The following C10orf143 variants were observed in gnomAD, a reference collection of about 807,000 sequenced individuals.
The protein encoded by C10orf143 is uncharacterized protein C10orf143.
downstream of C10orf143, among the ~76,000 whole-genome samples, chr10:130,062,990 T>C (rs1244589404): frequency 6.6e-6 from 1 of 152,082 alleles, no homozygotes; most frequent in Non-Finnish European, 1.5e-5. Context: ...ACCACACAGA[T>C]GGGAACCAGA....
rs1368289305 is a variant in C10orf143, at chr10:130,056,677, C to T, written c.298-20707G>A. Reference sequence around the variant, plus strand: ...CGCTCTCTTGGCTCACTGCAAGCTCCGCCTCCTGGGTTCATGCCATTCTCC... The same window carrying T: ...CGCTCTCTTGGCTCACTGCAAGCTCTGCCTCCTGGGTTCATGCCATTCTCC... On this transcript the variant is annotated intron_variant and NMD_transcript_variant, in intron 3 of 5. Coordinates refer to the C10orf143 transcript ENST00000643056. The surrounding 1 kb of genome is among the most constrained non-coding windows in gnomAD (Gnocchi z 4.6). Among the ~76,000 whole-genome samples, 5 of 151,710 alleles carry T rather than the reference C, an allele frequency of 3.3e-5. No homozygotes were observed. The highest frequency in any genetic ancestry group is 1.2e-4 in the African/African-American group (5 of 41,268).
intron 3 of C10orf143, chr10:130,067,265 A>C (rs1860952845): frequency 1.3e-5 from 2 of 148,814 alleles, no homozygotes; most frequent in South Asian, 2.2e-4. Context: ...GCTCTCCATG[A>C]CCTCTCTGTG....
chr10:130,090,142 A>G (rs973656759), intron 1 of C10orf143, among the ~76,000 whole-genome samples: 2 of 152,218 alleles, frequency 1.3e-5, no homozygotes, highest in Non-Finnish European at 2.9e-5. Context: ...AAATAGGAAC[A>G]GCTCCAGTCT....
chr10:130,089,536 C>A (rs1861347725), intron 1 of C10orf143, among the ~76,000 whole-genome samples: 8 of 152,118 alleles, frequency 5.3e-5, no homozygotes, highest in Admixed American at 5.2e-4. Flanking sequence ...TGAGCTGGGT[C>A]AGCTGGGTCT....
intron 3 of C10orf143, among the ~76,000 whole-genome samples, chr10:130,076,877 C>G (rs966793820): frequency 2.0e-5 from 3 of 152,084 alleles, no homozygotes; most frequent in Non-Finnish European, 4.4e-5. Flanking sequence ...CTAGCCATGG[C>G]GATCATCCTC....
At chr10:130,087,140 T>C (rs1321417941) in intron 1 of C10orf143, among the ~76,000 whole-genome samples, 4 of 151,258 alleles carry the variant, frequency 2.6e-5, no homozygotes, top group Non-Finnish European at 4.4e-5. Flanking sequence ...CTGTGGATTA[T>C]TGAGAGCTGA....
intron 1 of C10orf143, among the ~76,000 whole-genome samples, chr10:130,090,914 C>A (rs1330823673): frequency 6.6e-6 from 1 of 152,208 alleles, no homozygotes; most frequent in East Asian, 1.9e-4. Context: ...GGCAGCAGCG[C>A]CAGTCAGGGG....
In C10orf143 at chr10:130,048,573, C is replaced by T. The variant is rs560734767; in HGVS notation, c.298-12603G>A. On this transcript the variant is annotated intron_variant and NMD_transcript_variant, in intron 3 of 5. Coordinates refer to the C10orf143 transcript ENST00000643056. ...TCCATGGGAGCCCAAAGAATTGAGA[C>T]GTGCAGGGACCTCGGTCACTTTTAG... Among the ~76,000 whole-genome samples, 21 of 152,292 alleles carry T rather than the reference C, an allele frequency of 1.4e-4. 1 individual carries two copies. The highest frequency in any genetic ancestry group is 4.8e-4 in the African/African-American group (20 of 41,568).
At chr10:130,103,913 T>C (rs534097853) in intron 1 of C10orf143, among the ~76,000 whole-genome samples, 5 of 152,166 alleles carry the variant, frequency 3.3e-5, no homozygotes, top group Admixed American at 3.3e-4. Flanking sequence ...CCCAGGTATC[T>C]AAAATGTTGC....
chr10:130,090,228 G>A (rs1262176085), intron 1 of C10orf143, among the ~76,000 whole-genome samples: 1 of 152,128 alleles, frequency 6.6e-6, no homozygotes, highest in Non-Finnish European at 1.5e-5. Flanking sequence ...TCATCTCATT[G>A]GGACTAGTTA....
chr10:130,089,369 A>T (rs1380947956), intron 1 of C10orf143, among the ~76,000 whole-genome samples: 2 of 152,228 alleles, frequency 1.3e-5, no homozygotes, highest in African/African-American at 4.8e-5. Context: ...ATAGAAAACT[A>T]GTTTAGATGT....
In C10orf143 at chr10:130,107,407, T is replaced by C. The variant is rs536919419; in HGVS notation, c.69+3297A>G. 1.5e-3 allele frequency: 1,751 copies of C among 1,188,964 alleles called. 31 individuals carry two copies. In the South Asian group the frequency reaches 0.02, roughly 14 times the overall value. The allele number at this position is 1,188,964 out of a possible 1,614,324, so 73.7% of individuals were successfully genotyped here. On this transcript the variant is annotated intron_variant, in intron 1 of 3. Coordinates refer to ENST00000637128, the MANE Select transcript of C10orf143 (RefSeq NM_001355042.2). ...ATTATCAACGGCAGATTATTTCCCA[T>C]GAGAAAAAGGCACATCATAACTGGT...
chr10:130,067,260 C>A (rs1376094201), intron 3 of C10orf143: 1 of 152,274 alleles, frequency 6.6e-6, no homozygotes, highest in Non-Finnish European at 1.5e-5. Context: ...GCTGGGCTCT[C>A]CATGACCTCT....
intron 1 of C10orf143, among the ~76,000 whole-genome samples, chr10:130,093,948 T>C (rs1367657745): frequency 6.6e-6 from 1 of 150,620 alleles, no homozygotes; most frequent in Admixed American, 6.7e-5. Flanking sequence ...AGGCGGAGCT[T>C]GCAGTAAGCC....
chr10:130,046,322 C>T (rs1860672280), intron 3 of C10orf143, among the ~76,000 whole-genome samples: 1 of 151,974 alleles, frequency 6.6e-6, no homozygotes, highest in Non-Finnish European at 1.5e-5. Flanking sequence ...GGTGGGCAGC[C>T]CCACCTGTGC....
At chr10:130,067,095 C>G (rs1860948421) in intron 3 of C10orf143, 1 of 152,240 alleles carries the variant, frequency 6.6e-6, no homozygotes, top group Middle Eastern at 3.2e-3. Flanking sequence ...CTGGTTGCAC[C>G]TGCTGCCCAG....
Position 130,051,279 on chromosome 10 carries a change from CCCCG to C in C10orf143, c.298-15313_298-15310del, listed in dbSNP as rs1201309008. On this transcript the variant is annotated intron_variant and NMD_transcript_variant, in intron 3 of 5. Transcript: ENST00000643056. ...TAAGAGTCTCATCTCCCTCTCCTAC[CCCCG>C]CCTCATTAAGAGTCTCATCTCCCTC... Among the ~76,000 whole-genome samples the C allele has an allele frequency of 3.3e-3, 492 of 149,734 alleles. 5 individuals are homozygous for C. Among genetic ancestry groups the C allele is most frequent in the Middle Eastern group, 6.8e-3 (2 of 294 alleles).
At chr10:130,086,077 A>T (rs12570181) in intron 1 of C10orf143, among the ~76,000 whole-genome samples, 6,352 of 152,284 alleles carry the variant, frequency 0.042, 368 homozygotes, top group African/African-American at 0.12. Flanking sequence ...CTAAATTGCC[A>T]ATATCCCGCT....
chr10:130,100,125 C>T (rs992892726), intron 1 of C10orf143, among the ~76,000 whole-genome samples: 2 of 151,900 alleles, frequency 1.3e-5, no homozygotes, highest in Non-Finnish European at 1.5e-5. Flanking sequence ...TGTGAGCCAC[C>T]GCGCCCGGGC....
Sources: allele counts gnomAD v4.1 joint callset (sites outside exome capture counted in the v4.1 genomes callset), GRCh38; gene constraint gnomAD v4.1.1; non-coding constraint Gnocchi (gnomAD v3.1); transcripts MANE v1.5; gene names NCBI Gene and HGNC (gene_info 2026-07-23, HGNC 2026-07-21).